Variants in VTCN1 observed in about 807,000 individuals in gnomAD.
VTCN1 encodes the protein V-set domain containing T cell activation inhibitor 1.
Under a neutral mutation model 26.5 loss-of-function variants are expected in VTCN1, and 26 were observed. The observed-to-expected ratio is 0.98, with a 90% confidence interval of 0.72 to 1.36. The LOEUF (loss-of-function observed/expected upper bound fraction) is 1.36. VTCN1 is among the 40% of genes most tolerant of loss of function. The probability of loss-of-function intolerance (pLI) is 0.00; values close to 1 mark genes in which losing one functional copy is unlikely to be tolerated. For missense variants in VTCN1, 298 were observed against 337.7 expected, an observed-to-expected ratio of 0.88 and a Z score of 0.92; for synonymous variants, 116 against 130.7, an observed-to-expected ratio of 0.89 and a Z score of 0.77.
chr1:117,174,233 T>C (rs1653079665), intron 1 of VTCN1, among the ~76,000 whole-genome samples: 1 of 152,242 alleles, frequency 6.6e-6, no homozygotes, highest in Admixed American at 6.5e-5. Context: ...AGTGTACTTT[T>C]GGTACCCACT....
At chr1:117,192,219 C>G (rs1054718512) in intron 1 of VTCN1, among the ~76,000 whole-genome samples, 3 of 152,034 alleles carry the variant, frequency 2.0e-5, no homozygotes, top group African/African-American at 7.2e-5. Context: ...AGAAGTCTTA[C>G]AGGCCAGGAA....
chr1:117,201,779 A>G (rs943402080), intron 1 of VTCN1, among the ~76,000 whole-genome samples: 1 of 152,256 alleles, frequency 6.6e-6, no homozygotes, highest in East Asian at 1.9e-4. Flanking sequence ...CCTAAGGCCA[A>G]TAAAATGACA....
chr1:117,188,613 T>C (rs1018168939), intron 1 of VTCN1, among the ~76,000 whole-genome samples: 11 of 152,242 alleles, frequency 7.2e-5, no homozygotes, highest in African/African-American at 2.7e-4. Flanking sequence ...TTTCTCTAAG[T>C]GTCAGACATC....
intron 1 of VTCN1, among the ~76,000 whole-genome samples, chr1:117,197,906 C>T (rs1454279649): frequency 1.3e-5 from 2 of 152,156 alleles, no homozygotes; most frequent in Non-Finnish European, 2.9e-5. Flanking sequence ...AAGGGCTGTA[C>T]TTCCATTTCC....
chr1:117,166,804 A>G (rs1266518103), intron 2 of VTCN1, among the ~76,000 whole-genome samples: 1 of 151,784 alleles, frequency 6.6e-6, no homozygotes, highest in African/African-American at 2.4e-5. Flanking sequence ...AAGAATATAT[A>G]TGTAAATCAG....
intron 2 of VTCN1, 101 bp from the exon 3 acceptor site, chr1:117,157,022 T>C (rs1196118004): frequency 2.5e-6 from 4 of 1,595,410 alleles, no homozygotes; most frequent in Admixed American, 1.7e-5. Flanking sequence ...CTGTGATAAA[T>C]TAAAAATACA....
chr1:117,150,514 C>T (rs1432878905), intron 4 of VTCN1, among the ~76,000 whole-genome samples: 3 of 152,150 alleles, frequency 2.0e-5, no homozygotes, highest in Admixed American at 2.0e-4. Context: ...TTTTCTGTTA[C>T]AGGCAACTAA....
chr1:117,198,045 C>T (rs1278256441), intron 1 of VTCN1, among the ~76,000 whole-genome samples: 7 of 152,186 alleles, frequency 4.6e-5, no homozygotes, highest in Admixed American at 4.6e-4. Flanking sequence ...ACTGCAGGGA[C>T]ACAAAACTGT....
At chr1:117,180,381 C>T (rs188190420) in intron 1 of VTCN1, among the ~76,000 whole-genome samples, 13 of 152,272 alleles carry the variant, frequency 8.5e-5, no homozygotes, top group African/African-American at 2.9e-4. Flanking sequence ...AGACAAAAGG[C>T]AATGTAAGGT....
At chr1:117,173,131 A>G in intron 1 of VTCN1, 1 of 713,470 alleles carries the variant, frequency 1.4e-6, no homozygotes, top group Non-Finnish European at 2.6e-6. Context: ...GGAGGAGCAA[A>G]CAACTCCGGA....
chr1:117,150,545 G>A (rs1651732720), intron 4 of VTCN1, among the ~76,000 whole-genome samples: 1 of 152,120 alleles, frequency 6.6e-6, no homozygotes, highest in Admixed American at 6.5e-5. Context: ...CAGGATAGTT[G>A]CCAATTTGTT....
intron 1 of VTCN1, among the ~76,000 whole-genome samples, chr1:117,195,094 T>C (rs2101586875): frequency 1.3e-5 from 2 of 151,832 alleles, no homozygotes; most frequent in Non-Finnish European, 2.9e-5. Flanking sequence ...AAACCCTATC[T>C]CTAGTAAAAA....
intron 3 of VTCN1, among the ~76,000 whole-genome samples, chr1:117,154,001 T>C (rs1257403709): frequency 1.3e-5 from 2 of 152,204 alleles, no homozygotes; most frequent in African/African-American, 4.8e-5. Flanking sequence ...TCCCCCCATA[T>C]CCAGGCAGAG....
rs572777703 is a variant in VTCN1, at chr1:117,183,047, T to A, written c.33-12876A>T. On this transcript the variant is annotated intron_variant, in intron 1 of 5. Coordinates refer to ENST00000369458, the MANE Select transcript of VTCN1 (RefSeq NM_024626.4). This position sits in a 1 kb window ranked among gnomAD's most constrained non-coding sequence, Gnocchi z 4.1. The stretch of plus-strand genomic sequence containing the variant: ...AAGAATAAGATTAAAATATAAAGTA[T>A]TGATTTAAGCATAGAAAGCGAAGAA... Among the ~76,000 whole-genome samples, 61 of 152,326 alleles carry A rather than the reference T, an allele frequency of 4.0e-4. No individual in the cohort carries two copies. Among genetic ancestry groups the A allele is most frequent in the Middle Eastern group, 3.4e-3 (1 of 294 alleles).
At chr1:117,197,038 T>C (rs1310621905) in intron 1 of VTCN1, among the ~76,000 whole-genome samples, 3 of 152,224 alleles carry the variant, frequency 2.0e-5, no homozygotes, top group Non-Finnish European at 2.9e-5. Context: ...ATTGTGAAGC[T>C]AGCAGGAGCC....
intron 1 of VTCN1, among the ~76,000 whole-genome samples, chr1:117,181,909 G>A (rs1334983132): frequency 6.6e-6 from 1 of 152,164 alleles, no homozygotes; most frequent in African/African-American, 2.4e-5. Flanking sequence ...GCCTGACAGG[G>A]AGAGTGAGCT....
At chr1:117,197,147 A>C (rs966671750) in intron 1 of VTCN1, among the ~76,000 whole-genome samples, 1 of 152,206 alleles carries the variant, frequency 6.6e-6, no homozygotes, top group Non-Finnish European at 1.5e-5. Flanking sequence ...AGATAAGTAC[A>C]ATATGTTGGG....
At chr1:117,168,685 C>T (rs1392324686) in intron 2 of VTCN1, among the ~76,000 whole-genome samples, 1 of 151,942 alleles carries the variant, frequency 6.6e-6, no homozygotes, top group Non-Finnish European at 1.5e-5. Flanking sequence ...AAGGAATTAC[C>T]TACAAATCAA....
intron 1 of VTCN1, among the ~76,000 whole-genome samples, chr1:117,176,131 G>A (rs978801365): frequency 6.6e-6 from 1 of 152,146 alleles, no homozygotes; most frequent in Non-Finnish European, 1.5e-5. Flanking sequence ...GGCATAACAA[G>A]AGCCGATGCT....
Sources: gnomAD v4.1 joint callset for allele counts (sites outside exome capture counted in the v4.1 genomes callset) on GRCh38, gnomAD v4.1.1 for gene constraint, Gnocchi (gnomAD v3.1) non-coding constraint, MANE v1.5 for transcripts, NCBI Gene and HGNC (gene_info 2026-07-23, HGNC 2026-07-21) for gene names.